The following PARP16 variants were observed in gnomAD, a reference collection of about 807,000 sequenced individuals.
PARP16 encodes protein mono-ADP-ribosyltransferase PARP16.
Under a neutral mutation model 35.0 loss-of-function variants are expected in PARP16, and 31 were observed. The ratio of observed to expected loss-of-function variants is 0.88; its 90% confidence interval spans 0.66 to 1.19. The LOEUF (loss-of-function observed/expected upper bound fraction) is 1.19. PARP16 is among the 50% of genes most tolerant of loss of function. The pLI, the probability that PARP16 is intolerant of heterozygous loss-of-function variation, is 0.00. For synonymous variants in PARP16, 162 were observed against 169.5 expected, an observed-to-expected ratio of 0.96 and a Z score of 0.34; for missense variants, 424 against 411.2, an observed-to-expected ratio of 1.03 and a Z score of -0.27.
At chr15:65,277,970 G>T (rs1426063683) in intron 1 of PARP16, among the ~76,000 whole-genome samples, 1 of 152,190 alleles carries the variant, frequency 6.6e-6, no homozygotes, top group Non-Finnish European at 1.5e-5. Context: ...GCAGTGGAAG[G>T]CATTTGCCAA....
Position 65,259,326 on chromosome 15 carries a change from T to C in PARP16, c.*81A>G, listed in dbSNP as rs1282484571. ...AACTGGCCCCTAGGCTCAACCTGGC[T>C]GGACATGAGGCATAGGAGGTACAGA... is the stretch of plus-strand genomic sequence containing the variant. On this transcript the variant is annotated 3_prime_UTR_variant, in exon 6 of 6. Transcript: ENST00000649807. 2.1e-5 allele frequency: 30 copies of C among 1,456,570 alleles called. No individual in the cohort carries two copies. The highest frequency in any genetic ancestry group is 2.9e-6 in the Non-Finnish European group (3 of 1,047,782). 90.2% of individuals were successfully genotyped at this position (1,456,570 alleles called of 1,614,324 possible).
At chr15:65,251,659 A>T (rs1390183824) in intron 2 of PARP16, among the ~76,000 whole-genome samples, 1 of 152,156 alleles carries the variant, frequency 6.6e-6, no homozygotes, top group African/African-American at 2.4e-5. Flanking sequence ...TCATCAAAAG[A>T]TATGAGATAC....
chr15:65,276,004 C>T (rs1414556956), intron 1 of PARP16, among the ~76,000 whole-genome samples: 2 of 152,150 alleles, frequency 1.3e-5, no homozygotes, highest in African/African-American at 4.8e-5. Context: ...CTTTCAGGGA[C>T]TCAGTCTGGA....
At chr15:65,238,267 A>G (rs191260335) in intron 3 of PARP16, among the ~76,000 whole-genome samples, 15 of 152,306 alleles carry the variant, frequency 9.8e-5, no homozygotes, top group Non-Finnish European at 1.8e-4. Flanking sequence ...CTGGGCAACA[A>G]GAGCAAAAAC....
chr15:65,263,457 G>T, intron 3 of PARP16, 137 bp from the exon 4 acceptor site: 1 of 626,182 alleles, frequency 1.6e-6, no homozygotes, highest in Non-Finnish European at 2.8e-6. Context: ...GCAAGACACA[G>T]GATCAAATAA....
chr15:65,286,843 T>A lies in PARP16; in HGVS notation c.-417A>T. On this transcript the variant is annotated 5_prime_UTR_variant, in exon 1 of 6. Coordinates refer to ENST00000649807, the MANE Select transcript of PARP16 (RefSeq NM_001316943.2). ...CCGGGGGACGGCGGGCAGAGCCCAC[T>A]CTCCGCGACGGGCGAGGCTGCTGCG... 1 of 167,562 alleles carries A rather than the reference T, an allele frequency of 6.0e-6. No homozygotes were observed. The highest frequency in any genetic ancestry group is 1.3e-5 in the Non-Finnish European group (1 of 78,620). 10.4% of individuals were successfully genotyped at this position (167,562 alleles called of 1,614,324 possible). A position where few individuals can be genotyped will look rare whatever the true frequency, so the allele number is the denominator to read the frequency against.
At chr15:65,279,216 T>G (rs1037344828) in intron 1 of PARP16, among the ~76,000 whole-genome samples, 1 of 151,954 alleles carries the variant, frequency 6.6e-6, no homozygotes, top group African/African-American at 2.4e-5. Context: ...TACTAAAACC[T>G]ACAACCCTGA....
intron 2 of PARP16, among the ~76,000 whole-genome samples, chr15:65,267,865 G>A (rs1263320958): frequency 6.6e-6 from 1 of 150,596 alleles, no homozygotes; most frequent in Admixed American, 6.6e-5. Context: ...AATTTTTTTT[G>A]TATTTTTAGT....
At chr15:65,239,344 T>C (rs926989702) in intron 3 of PARP16, among the ~76,000 whole-genome samples, 10 of 139,574 alleles carry the variant, frequency 7.2e-5, no homozygotes, top group Non-Finnish European at 1.4e-4. Context: ...GGAGATTCAC[T>C]TGGACCTGGG....
At chr15:65,246,968 ACTATGTGCCTGGCAT>A (rs1421244724) in intron 3 of PARP16, among the ~76,000 whole-genome samples, 1 of 152,006 alleles carries the variant, frequency 6.6e-6, no homozygotes, top group Non-Finnish European at 1.5e-5. Context: ...TTGAACATCT[ACTATGTGCCTGGCAT>A]CATGCTCAAC....
In PARP16 at chr15:65,277,963, G is replaced by A. The variant is rs1035703461; in HGVS notation, c.175-6891C>T. On this transcript the variant is annotated intron_variant, in intron 1 of 5. Coordinates refer to ENST00000649807, the MANE Select transcript of PARP16 (RefSeq NM_001316943.2). The stretch of plus-strand genomic sequence containing the variant: ...CTGAATCACACATCAGTACATGGCA[G>A]TGGAAGGCATTTGCCAACTGGATCC... 5.9e-5 allele frequency among the ~76,000 whole-genome samples: 9 copies of A among 152,336 alleles called. No individual in the cohort carries two copies. The South Asian group carries it at 8.3e-4, about 14-fold the overall frequency.
At chr15:65,269,200 C>CTTTCTTTCTT (rs1238082151) in intron 2 of PARP16, among the ~76,000 whole-genome samples, 1 of 146,000 alleles carries the variant, frequency 6.8e-6, no homozygotes, top group Admixed American at 6.8e-5. Context: ...TTCTTTCTTT[C>CTTTCTTTCTT]TTTCTTTTTT....
chr15:65,278,388 T>A (rs2090320751), intron 1 of PARP16, among the ~76,000 whole-genome samples: 1 of 152,192 alleles, frequency 6.6e-6, no homozygotes, highest in South Asian at 2.1e-4. Flanking sequence ...ACCCGTCAGC[T>A]CACAGGCAAC....
chr15:65,277,364 A>T (rs1448971800), intron 1 of PARP16, among the ~76,000 whole-genome samples: 1 of 152,132 alleles, frequency 6.6e-6, no homozygotes, highest in African/African-American at 2.4e-5. Flanking sequence ...GGGCCAACTC[A>T]TATCTGGTTG....
In PARP16 at chr15:65,259,589, A is replaced by G. The variant is rs570655426; in HGVS notation, c.834-47T>C. 6.3e-6 allele frequency: 10 copies of G among 1,587,566 alleles called. No homozygotes were observed. The South Asian group carries it at 1.0e-4, about 16-fold the overall frequency. On this transcript the variant is annotated intron_variant, in intron 5 of 5. Transcript: ENST00000649807. ...GTGGTGTTGGCAAAAAGAGAAAAAC[A>G]TTTTTTTTAAGTGTGTACAACAAGT...
In PARP16 at chr15:65,235,082, A is replaced by G. The variant is rs11853097; in HGVS notation, c.*98-259T>C. ...AATGGGTGCAGCACACCAACATGGCACATGTATACATATGTAACAAAACTG... is the reference window on the plus strand; with the variant it reads ...AATGGGTGCAGCACACCAACATGGCGCATGTATACATATGTAACAAAACTG... On this transcript the variant is annotated intron_variant and NMD_transcript_variant, in intron 3 of 3. Transcript: ENST00000559805. 7.8e-3 allele frequency among the ~76,000 whole-genome samples: 1,181 copies of G among 152,290 alleles called. 20 individuals are homozygous for G. Among genetic ancestry groups the G allele is most frequent in the African/African-American group, 0.027 (1,139 of 41,554 alleles).
chr15:65,265,669 T>C (rs996949817), intron 3 of PARP16, among the ~76,000 whole-genome samples: 2 of 152,168 alleles, frequency 1.3e-5, no homozygotes, highest in African/African-American at 4.8e-5. Flanking sequence ...AACTTCAATA[T>C]GCATACAGAT....
chr15:65,269,434 G>A (rs1473773721), intron 2 of PARP16, among the ~76,000 whole-genome samples: 1 of 152,074 alleles, frequency 6.6e-6, no homozygotes, highest in African/African-American at 2.4e-5. Context: ...CTGACCTCAT[G>A]ATCCGCCCAC....
intron 3 of PARP16, among the ~76,000 whole-genome samples, chr15:65,240,314 G>T (rs55886022): frequency 0.17 from 16,309 of 96,614 alleles, 1,232 homozygotes; most frequent in Admixed American, 0.25. Context: ...GTGTGTGGTG[G>T]GGGGGGCTAG....
Sources: gnomAD v4.1 joint callset for allele counts (sites outside exome capture counted in the v4.1 genomes callset) on GRCh38, gnomAD v4.1.1 for gene constraint, MANE v1.5 for transcripts, NCBI Gene and HGNC (gene_info 2026-07-23, HGNC 2026-07-21) for gene names.